HMG20B: variants seen among roughly 807,000 people sequenced by gnomAD.
The protein encoded by HMG20B is SWI/SNF-related matrix-associated actin-dependent regulator of chromatin subfamily E member 1-related.
A neutral mutation model predicts 41.6 loss-of-function variants in HMG20B; 24 were observed. The ratio of observed to expected loss-of-function variants is 0.58; its 90% CI spans 0.42 to 0.81. HMG20B has a LOEUF of 0.81. Among genes scored for constraint, HMG20B ranks in the 30% least tolerant of loss-of-function variants. HMG20B has a pLI of 0.00. For missense variants in HMG20B, 461 were observed against 444.0 expected (o/e 1.04, Z -0.34); for synonymous variants, 251 against 186.6 (o/e 1.34, Z -2.81).
rs916505485 is a variant in HMG20B at position 3,573,858 on chromosome 19, C to T, written c.147+58C>T. ...CCGGGCTCCCGCCCCAGCCTCGAAGCCCCGCCCCAGGCTGGATTTGAATTG... is the reference window on the plus strand; with the variant it reads ...CCGGGCTCCCGCCCCAGCCTCGAAGTCCCGCCCCAGGCTGGATTTGAATTG... On this transcript the variant is annotated intron_variant, in intron 3 of 9. Coordinates refer to ENST00000333651, the MANE Select transcript of HMG20B (RefSeq NM_006339.3). 11 of 1,443,352 alleles carry T rather than the reference C, an allele frequency of 7.6e-6. No homozygotes were observed. The African/African-American group carries it at 1.4e-4, about 18-fold the overall frequency. 89.4% of individuals were successfully genotyped at this position (1,443,352 alleles called of 1,614,324 possible). A position where few individuals can be genotyped will look rare whatever the true frequency, so the allele number is the denominator to read the frequency against.
Position 3,577,968 on chromosome 19 carries a change from G to T in HMG20B, c.809-13G>T, listed in dbSNP as rs747870358. ...CCCGGCACCCTCGCCTGACCTTCCC[G>T]CCTGTCCCCCAGGCACGGGCGAAAC... is the stretch of plus-strand genomic sequence containing the variant. On this transcript the variant is annotated splice_polypyrimidine_tract_variant and intron_variant, in intron 8 of 9. Coordinates refer to ENST00000333651, the MANE Select transcript of HMG20B (RefSeq NM_006339.3). The T allele has an allele frequency of 7.0e-6, 11 of 1,580,724 alleles. No individual in the cohort carries two copies. Among genetic ancestry groups the T allele is most frequent in the Non-Finnish European group, 9.4e-6 (11 of 1,167,238 alleles).
Position 3,578,553 on chromosome 19 carries a change from G to A in HMG20B, c.*32G>A, listed in dbSNP as rs947727422. 6.4e-7 allele frequency: 1 copy of A among 1,562,914 alleles called. No individual in the cohort carries two copies. Among genetic ancestry groups the A allele is most frequent in the Non-Finnish European group, 8.7e-7 (1 of 1,154,816 alleles). ...GGCGGGCCCACGATGCAGAGGAGAA[G>A]CTGTGGGCGCGGCCCTGCCACACCC... On this transcript the variant is annotated 3_prime_UTR_variant, in exon 10 of 10. Transcript: ENST00000333651.
At chr19:3,573,951 C>A in intron 3 of HMG20B, 151 bp downstream of exon 3, 1 of 766,852 alleles carries the variant, frequency 1.3e-6, no homozygotes, top group Non-Finnish European at 2.2e-6. Flanking sequence ...AGCTGCCACG[C>A]CCCTGACAGG....
At chr19:3,577,376 C>T (rs10402774) in intron 8 of HMG20B, among the ~76,000 whole-genome samples, 1 of 146,144 alleles carries the variant, frequency 6.8e-6, no homozygotes, top group Non-Finnish European at 1.5e-5. Context: ...ACTCGGCCGG[C>T]TCCCTGACCT....
rs1212027870 is a variant in HMG20B, at chr19:3,572,981, A to G, written c.-32A>G. On this transcript the variant is annotated 5_prime_UTR_variant, in exon 1 of 10. Transcript: ENST00000333651. ...CGTCGCGCAGTCGGGAGGTCCGGGA[A>G]AGTTTCTTTGGAGGTGAAAACAGCC... 3.4e-6 allele frequency: 1 copy of G among 297,154 alleles called. No individual in the cohort carries two copies. The highest frequency in any genetic ancestry group is 6.3e-6 in the Non-Finnish European group (1 of 159,004). 18.4% of individuals were successfully genotyped at this position (297,154 alleles called of 1,614,324 possible).
chr19:3,578,930 C>T lies in HMG20B; in HGVS notation c.*409C>T. ...AGGAAGCTGCCTTGTGGGGACTTAC[C>T]TGGGGTGTCCCCCGCATGCCTGTAC... On this transcript the variant is annotated 3_prime_UTR_variant, in exon 10 of 10. Coordinates refer to ENST00000333651, the MANE Select transcript of HMG20B (RefSeq NM_006339.3). The T allele has an allele frequency of 2.3e-6, 1 of 439,500 alleles. No homozygotes were observed. Among genetic ancestry groups the T allele is most frequent in the Non-Finnish European group, 4.4e-6 (1 of 227,332 alleles). The allele number at this position is 439,500 out of a possible 1,614,324, so 27.2% of individuals were successfully genotyped here.
rs199917043 is a variant in HMG20B, at chr19:3,573,688, C to G, written c.39-4C>G. ...GGGGCTGACCGCGGTATCCTTGGCT[C>G]CAGGCCGGCGGGCGGCAAGGCTCCG... On this transcript the variant is annotated splice_polypyrimidine_tract_variant and splice_region_variant and intron_variant, in intron 2 of 9. Transcript: ENST00000333651. 2.0e-5 allele frequency: 30 copies of G among 1,501,844 alleles called. No homozygotes were observed. The African/African-American group carries it at 4.0e-4, about 20-fold the overall frequency. 93.0% of individuals were successfully genotyped at this position (1,501,844 alleles called of 1,614,324 possible).
rs577326307 is a variant in HMG20B, at chr19:3,573,330, G to T, written c.21G>T (p.Gln7His). The T allele has an allele frequency of 2.0e-6, 3 of 1,534,144 alleles. No individual in the cohort carries two copies. Among genetic ancestry groups the T allele is most frequent in the Non-Finnish European group, 2.6e-6 (3 of 1,143,060 alleles). ...CGGCCATGTCCCACGGCCCCAAGCA[G>T]CCCGGCGCGGCCGCCGCGTGAGTGC... MSHGPK[Q>H]PGAAAAPAGG... The change falls in exon 2 of 10, where the codon CAG (glutamine) becomes CAT (histidine). Residue 7 changes from glutamine to histidine, a missense_variant. Gln to His is a conservative substitution (Grantham distance 24). Coordinates refer to ENST00000333651, the MANE Select transcript of HMG20B (RefSeq NM_006339.3).
At position 3,578,396 on chromosome 19, in the gene HMG20B, C is replaced by T. The variant is rs1296210437; in HGVS notation, c.942-113C>T. 7.2e-6 allele frequency: 10 copies of T among 1,397,340 alleles called. No homozygotes were observed. The African/African-American group carries it at 1.0e-4, about 14-fold the overall frequency. The allele number at this position is 1,397,340 out of a possible 1,614,324, so 86.6% of individuals were successfully genotyped here. On this transcript the variant is annotated intron_variant, in intron 9 of 9. Transcript: ENST00000333651. Reference sequence around the variant, plus strand: ...GATAGGTTCAACGCCTGTCCCCCAACCCTGGCATCTGTTGGAGCAGCTGAT... The same window carrying T: ...GATAGGTTCAACGCCTGTCCCCCAATCCTGGCATCTGTTGGAGCAGCTGAT...
intron 8 of HMG20B, 133 bp downstream of exon 8, chr19:3,577,240 C>G: frequency 1.5e-6 from 1 of 659,614 alleles, no homozygotes. Flanking sequence ...CCCAGTCACC[C>G]GGCCCCGCCT....
At chr19:3,578,479 C>T (rs2032222345) in intron 9 of HMG20B, 30 bp from the exon 10 acceptor site, 6 of 1,510,090 alleles carry the variant, frequency 4.0e-6, no homozygotes, top group African/African-American at 2.8e-5. Context: ...TGATGAGGGC[C>T]TCATCCCGGG....
intron 4 of HMG20B, 133 bp downstream of exon 4, chr19:3,574,719 T>TC: frequency 1.5e-6 from 1 of 646,096 alleles, no homozygotes; most frequent in East Asian, 3.1e-5. Flanking sequence ...AACCAACTTT[T>TC]TTTTTTTTTT....
chr19:3,575,462 G>A, intron 4 of HMG20B, 78 bp from the exon 5 acceptor site: 4 of 1,541,464 alleles, frequency 2.6e-6, no homozygotes, highest in Non-Finnish European at 3.5e-6. Context: ...GGAGGGTGCT[G>A]TGAAAGCAGA....
chr19:3,576,707 T>A, intron 7 of HMG20B, 82 bp downstream of exon 7: 3 of 1,370,706 alleles, frequency 2.2e-6, no homozygotes, highest in East Asian at 4.8e-5. Context: ...GCCCCAAGAC[T>A]GCAGGAGGCG....
At chr19:3,575,372 G>A in intron 4 of HMG20B, 168 bp from the exon 5 acceptor site, 3 of 1,159,912 alleles carry the variant, frequency 2.6e-6, no homozygotes, top group Non-Finnish European at 3.5e-6. Context: ...GTGGGAGCTC[G>A]GAGGTCCCTG....
Position 3,578,621 on chromosome 19 carries a change from G to T in HMG20B, c.*100G>T. 6.9e-7 allele frequency: 1 copy of T among 1,458,152 alleles called. No homozygotes were observed. The highest frequency in any genetic ancestry group is 2.5e-5 in the East Asian group (1 of 40,502). The allele number at this position is 1,458,152 out of a possible 1,614,324, so 90.3% of individuals were successfully genotyped here. A position where few individuals can be genotyped will look rare whatever the true frequency, so the allele number is the denominator to read the frequency against. ...GCTGGGGGTCCACCCTTTGGGGCCT[G>T]GTCCCATCCTGCACCTTGGGGGCTC... On this transcript the variant is annotated 3_prime_UTR_variant, in exon 10 of 10. Coordinates refer to ENST00000333651, the MANE Select transcript of HMG20B (RefSeq NM_006339.3).
intron 2 of HMG20B, 120 bp downstream of exon 2, chr19:3,573,467 C>A: frequency 1.8e-6 from 2 of 1,119,324 alleles, no homozygotes; most frequent in Non-Finnish European, 2.4e-6. Context: ...GGTCAGGGGG[C>A]TTCTCCCTCC....
At position 3,578,590 on chromosome 19, in the gene HMG20B, C is replaced by T. The variant is rs1483780437; in HGVS notation, c.*69C>T. On this transcript the variant is annotated 3_prime_UTR_variant, in exon 10 of 10. Transcript: ENST00000333651. ...GCCCTGCCACACCCCACCCCGTGGA[C>T]GAGAGGCTGGGGGTCCACCCTTTGG... 4 of 1,545,682 alleles carry T rather than the reference C, an allele frequency of 2.6e-6. No homozygotes were observed. Among genetic ancestry groups the T allele is most frequent in the African/African-American group, 1.4e-5 (1 of 72,988 alleles).
At chr19:3,577,169 C>G (rs1413028403) in intron 8 of HMG20B, 62 bp downstream of exon 8, 24 of 1,165,668 alleles carry the variant, frequency 2.1e-5, no homozygotes, top group Admixed American at 5.8e-5. Context: ...GCCTCCCCCC[C>G]CCTCCTCCCT....
Sources: gnomAD v4.1 joint callset for allele counts (sites outside exome capture counted in the v4.1 genomes callset) on GRCh38, gnomAD v4.1.1 for gene constraint, MANE v1.5 for transcripts, NCBI Gene and HGNC (gene_info 2026-07-23, HGNC 2026-07-21) for gene names.